SLC44A5: variants seen among roughly 807,000 people sequenced by gnomAD.
SLC44A5 encodes the protein choline transporter-like protein 5.
SLC44A5 carries 57 observed loss-of-function variants against 101.8 expected under a neutral mutation model. That is an observed-to-expected ratio of 0.56 (90% confidence interval 0.45 to 0.70). SLC44A5 has a LOEUF of 0.70. SLC44A5 is among the 30% of genes least tolerant of loss of function. The probability of loss-of-function intolerance (pLI) is 0.00; values close to 1 mark genes in which losing one functional copy is unlikely to be tolerated. For missense variants in SLC44A5, 737 were observed against 853.1 expected, an observed-to-expected ratio of 0.86 and a Z score of 1.70; for synonymous variants, 281 against 290.9, an observed-to-expected ratio of 0.97 and a Z score of 0.35.
the SLC44A5 span, among the ~76,000 whole-genome samples, chr1:75,649,996 CT>C: frequency 6.6e-6 from 1 of 152,162 alleles, no homozygotes; most frequent in African/African-American, 2.4e-5. Context: ...ACAATCCACT[CT>C]TGTGTGTTAG....
intron 11 of SLC44A5, among the ~76,000 whole-genome samples, chr1:75,236,123 T>C (rs1450236468): frequency 6.6e-6 from 1 of 152,068 alleles, no homozygotes; most frequent in Admixed American, 6.6e-5. Flanking sequence ...TGTGCAAATT[T>C]ACAGGATTTG....
chr1:75,211,306 T>C (rs1470390984), intron 23 of SLC44A5, among the ~76,000 whole-genome samples, 162 bp downstream of exon 23: 1 of 152,198 alleles, frequency 6.6e-6, no homozygotes, highest in Non-Finnish European at 1.5e-5. Flanking sequence ...GGTATTATGG[T>C]TTAAATAACA....
At chr1:75,597,010 C>G (rs1389160117) in intron 1 of SLC44A5, among the ~76,000 whole-genome samples, 1 of 151,676 alleles carries the variant, frequency 6.6e-6, no homozygotes, top group Non-Finnish European at 1.5e-5. Context: ...ACATGGCAAA[C>G]CCCTATCTCT....
At position 75,238,515 on chromosome 1, in the gene SLC44A5, T is replaced by C. The variant is rs185472013; in HGVS notation, c.654A>G (p.Ala218=). The C allele has an allele frequency of 6.3e-7, 1 of 1,593,260 alleles. No homozygotes were observed. The highest frequency in any genetic ancestry group is 1.4e-5 in the African/African-American group (1 of 73,790). Reference sequence around the variant, plus strand: ...AATTAGAATGTAAACACACATACTTTGCAGCAATCCCGAGTTCTACAACAC... The same window carrying C: ...AATTAGAATGTAAACACACATACTTCGCAGCAATCCCGAGTTCTACAACAC... ...TRSVVELGIA[A]NGINKLLDAK... The change falls in exon 10 of 24, where the codon GCA becomes GCG. Residue 218 remains alanine (A), a splice_region_variant and synonymous_variant. Transcript: ENST00000370859.
chr1:75,259,710 C>A (rs1040564813), intron 6 of SLC44A5, among the ~76,000 whole-genome samples: 3 of 151,954 alleles, frequency 2.0e-5, no homozygotes, highest in African/African-American at 7.3e-5. Flanking sequence ...AGAAGAGCAA[C>A]CACAAGACAC....
At chr1:75,302,999 C>A (rs1033127217) in intron 4 of SLC44A5, among the ~76,000 whole-genome samples, 7 of 152,092 alleles carry the variant, frequency 4.6e-5, no homozygotes, top group African/African-American at 1.7e-4. Context: ...TCACGGATGG[C>A]CACAGATGAC....
intron 1 of SLC44A5, among the ~76,000 whole-genome samples, chr1:75,559,222 G>A (rs1194147275): frequency 2.6e-5 from 4 of 151,880 alleles, no homozygotes; most frequent in Non-Finnish European, 5.9e-5. Flanking sequence ...CTCAGTGTCT[G>A]GCTCAGTCAA....
At chr1:75,240,746 T>A (rs1329757518) in intron 9 of SLC44A5, among the ~76,000 whole-genome samples, 1 of 152,056 alleles carries the variant, frequency 6.6e-6, no homozygotes, top group Non-Finnish European at 1.5e-5. Flanking sequence ...CTCAAACTAA[T>A]GACTAATGCC....
At chr1:75,289,685 T>C (rs1403437796) in intron 5 of SLC44A5, among the ~76,000 whole-genome samples, 6 of 152,228 alleles carry the variant, frequency 3.9e-5, no homozygotes, top group Admixed American at 1.3e-4. Context: ...AAAGGTACCT[T>C]TGATCAACTG....
chr1:75,420,612 C>G (rs1187281848), intron 2 of SLC44A5, among the ~76,000 whole-genome samples: 2 of 152,104 alleles, frequency 1.3e-5, no homozygotes, highest in African/African-American at 4.8e-5. Context: ...AATATAAATT[C>G]CTCAATTTCT....
intron 4 of SLC44A5, among the ~76,000 whole-genome samples, chr1:75,323,342 T>C (rs1219802916): frequency 3.3e-5 from 5 of 152,056 alleles, no homozygotes; most frequent in African/African-American, 1.2e-4. Context: ...AGTCTATCAT[T>C]GTTGGACATT....
At chr1:75,239,934 A>G (rs1359224887) in intron 9 of SLC44A5, among the ~76,000 whole-genome samples, 1 of 151,964 alleles carries the variant, frequency 6.6e-6, no homozygotes. Flanking sequence ...CTTGGCTTCC[A>G]TGGTCAGTTT....
At chr1:75,305,977 G>A (rs1161732509) in intron 4 of SLC44A5, among the ~76,000 whole-genome samples, 1 of 152,086 alleles carries the variant, frequency 6.6e-6, no homozygotes, top group African/African-American at 2.4e-5. Flanking sequence ...GGCCAAATCT[G>A]GTTTGCTGTC....
At chr1:75,689,560 TAGTC>T in the SLC44A5 span, among the ~76,000 whole-genome samples, 1 of 152,160 alleles carries the variant, frequency 6.6e-6, no homozygotes, top group African/African-American at 2.4e-5. Context: ...ACCACTCAAA[TAGTC>T]AGGGAAATAA....
chr1:75,402,517 A>C, intron 2 of SLC44A5: 1 of 300,968 alleles, frequency 3.3e-6, no homozygotes, highest in South Asian at 2.7e-5. Context: ...TGGTTAGACA[A>C]TGGGTGTAGC....
upstream of SLC44A5, among the ~76,000 whole-genome samples, chr1:75,613,810 T>C (rs1675755195): frequency 6.6e-6 from 1 of 152,242 alleles, no homozygotes; most frequent in African/African-American, 2.4e-5. Flanking sequence ...GATTCCATAC[T>C]GACCTACAAA....
intron 2 of SLC44A5, among the ~76,000 whole-genome samples, chr1:75,489,888 A>C (rs1463621189): frequency 2.0e-5 from 3 of 152,186 alleles, no homozygotes; most frequent in Non-Finnish European, 4.4e-5. Flanking sequence ...TCCTTTACTC[A>C]GCTTCATTAC....
chr1:75,215,430 CAT>C (rs140654386), intron 19 of SLC44A5, among the ~76,000 whole-genome samples: 3,715 of 152,138 alleles, frequency 0.024, 150 homozygotes, highest in African/African-American at 0.078. Context: ...CAGAGTAAAA[CAT>C]AGATTAAATA....
chr1:75,722,739 CTTAAG>C, the SLC44A5 span, among the ~76,000 whole-genome samples: 3 of 152,156 alleles, frequency 2.0e-5, no homozygotes, highest in African/African-American at 7.2e-5. Flanking sequence ...TTCCTTTTGT[CTTAAG>C]TTATCATTTC....
Sources: allele counts gnomAD v4.1 joint callset (sites outside exome capture counted in the v4.1 genomes callset), GRCh38; gene constraint gnomAD v4.1.1; transcripts MANE v1.5; gene names NCBI Gene and HGNC (gene_info 2026-07-23, HGNC 2026-07-21).